Variants in CCND3 observed in about 807,000 individuals in gnomAD.
CCND3 encodes cyclin D3, also known as G1/S-specific cyclin-D3.
CCND3 carries 9 observed loss-of-function variants against 28.7 expected under a neutral mutation model. The ratio of observed to expected loss-of-function variants is 0.31; its 90% CI spans 0.19 to 0.55. The LOEUF (loss-of-function observed/expected upper bound fraction) is 0.55. Among genes scored for constraint, CCND3 ranks in the 20% least tolerant of loss-of-function variants. CCND3 has a pLI of 0.93. For synonymous variants in CCND3, 164 were observed against 163.9 expected, an observed-to-expected ratio of 1.00 and a Z score of 0.00; for missense variants, 315 against 385.8, an observed-to-expected ratio of 0.82 and a Z score of 1.54.
chr6:42,035,866 C>A (rs372954072), intron 1 of CCND3, among the ~76,000 whole-genome samples: 1 of 151,812 alleles, frequency 6.6e-6, no homozygotes, highest in Non-Finnish European at 1.5e-5. Context: ...TTAGTAGAGA[C>A]GGGGTTTCAC....
At position 41,978,533 on chromosome 6, in the gene CCND3, T is replaced by G. The variant is rs544844792; in HGVS notation, c.-45-37948A>C. Among the ~76,000 whole-genome samples, 4 of 152,108 alleles carry G rather than the reference T, an allele frequency of 2.6e-5. 1 individual carries two copies. Among genetic ancestry groups the G allele is most frequent in the African/African-American group, 9.6e-5 (4 of 41,502 alleles). ...CCTGGATGACAAAAGCGAAACTTAG[T>G]CTCAACAATAACAACAACAACAAAC... is the stretch of plus-strand genomic sequence containing the variant. On this transcript the variant is annotated intron_variant, in intron 1 of 4. Transcript: ENST00000372988.
chr6:41,999,719 C>T (rs905721305), intron 1 of CCND3, among the ~76,000 whole-genome samples: 6 of 151,942 alleles, frequency 3.9e-5, no homozygotes, highest in Non-Finnish European at 7.4e-5. Flanking sequence ...CATAGTGAGA[C>T]GTCATCTCTA....
intron 1 of CCND3, among the ~76,000 whole-genome samples, chr6:42,002,994 GT>G (rs1774562418): frequency 6.7e-6 from 1 of 149,904 alleles, no homozygotes; most frequent in African/African-American, 2.5e-5. Flanking sequence ...GAAACCCTGT[GT>G]CTACTAAAAA....
intron 1 of CCND3, among the ~76,000 whole-genome samples, chr6:41,954,352 C>CCAG (rs1418010197): frequency 6.7e-6 from 1 of 148,566 alleles, no homozygotes; most frequent in African/African-American, 2.5e-5. Context: ...GGAGTTCAGA[C>CCAG]CAGCCTGGCC....
intron 1 of CCND3, among the ~76,000 whole-genome samples, chr6:41,968,542 G>C (rs1761950153): frequency 6.6e-6 from 1 of 151,846 alleles, no homozygotes; most frequent in South Asian, 2.1e-4. Flanking sequence ...ATTACACCAT[G>C]GTACTCCAGC....
chr6:42,048,679 C>G lies in CCND3; in HGVS notation c.-224G>C, dbSNP rs1458733649. On this transcript the variant is annotated 5_prime_UTR_variant, in exon 1 of 5. Coordinates refer to the CCND3 transcript ENST00000372988. This position sits in a 1 kb window ranked among gnomAD's most constrained non-coding sequence, Gnocchi z 4.7. ...GAGCCAGTCTCCACCCCTGCAGTGG[C>G]GAAGTGTTTACAAAGTCCGCGCCGC... 1 of 517,954 alleles carries G rather than the reference C, an allele frequency of 1.9e-6. No individual in the cohort carries two copies. The highest frequency in any genetic ancestry group is 3.9e-6 in the Non-Finnish European group (1 of 259,516). The allele number at this position is 517,954 out of a possible 1,614,324, so 32.1% of individuals were successfully genotyped here. A position where few individuals can be genotyped will look rare whatever the true frequency, so the allele number is the denominator to read the frequency against.
At chr6:41,990,489 G>A (rs928281373) in intron 1 of CCND3, among the ~76,000 whole-genome samples, 7 of 151,842 alleles carry the variant, frequency 4.6e-5, no homozygotes, top group African/African-American at 2.4e-5. Flanking sequence ...AATAGGCAAA[G>A]CAATCCTGAG....
intron 1 of CCND3, among the ~76,000 whole-genome samples, chr6:41,964,413 TG>T (rs1212809269): frequency 6.6e-6 from 1 of 150,644 alleles, no homozygotes; most frequent in Non-Finnish European, 1.5e-5. Context: ...TGTGTGTGTC[TG>T]TGTGTGAATG....
chr6:41,942,973 G>A (rs931358008), upstream of CCND3, among the ~76,000 whole-genome samples: 2 of 150,468 alleles, frequency 1.3e-5, no homozygotes, highest in African/African-American at 4.9e-5. Context: ...CCACCTCCCG[G>A]GTTCAAGCAA....
chr6:41,936,914 C>T lies in CCND3; in HGVS notation c.575-219G>A, dbSNP rs1423591993. On this transcript the variant is annotated intron_variant, in intron 3 of 4. Transcript: ENST00000372991. This position sits in a 1 kb window ranked among gnomAD's most constrained non-coding sequence, Gnocchi z 4.4. Reference sequence around the variant, plus strand: ...ACCAACTGCCAGTTTCCATAGGTCCCGGGAATAGACAAGACACTCCCTAGT... The same window carrying T: ...ACCAACTGCCAGTTTCCATAGGTCCTGGGAATAGACAAGACACTCCCTAGT... 15 of 599,572 alleles carry T rather than the reference C, an allele frequency of 2.5e-5. No homozygotes were observed. Among genetic ancestry groups the T allele is most frequent in the South Asian group, 2.0e-4 (10 of 49,338 alleles). 37.1% of individuals were successfully genotyped at this position (599,572 alleles called of 1,614,324 possible). A position where few individuals can be genotyped will look rare whatever the true frequency, so the allele number is the denominator to read the frequency against.
intron 1 of CCND3, among the ~76,000 whole-genome samples, chr6:42,005,664 C>G (rs1304244693): frequency 6.6e-6 from 1 of 151,820 alleles, no homozygotes; most frequent in Non-Finnish European, 1.5e-5. Context: ...TTTTGATAAC[C>G]CTCGGCAACA....
rs777265467 is a variant in CCND3, at chr6:41,935,982, G to A, written c.837C>T (p.Ser279=). Residue 279 remains serine, a synonymous_variant, in exon 5 of 5, where the codon AGC becomes AGT. Transcript: ENST00000372991. ...TGACATCTGTAGGAGTGCTGGTCTG[G>A]CTGGGCCCTTGGCTGCTGGAGCCCC... ...APRGSSSQGP[S]QTSTPTDVTA... The A allele has an allele frequency of 6.2e-7, 1 of 1,613,174 alleles. No individual in the cohort carries two copies.
rs1055518459 is a variant in CCND3, at chr6:41,939,226, C to G, written c.414+1144G>C. On this transcript the variant is annotated intron_variant, in intron 2 of 4. Transcript: ENST00000372991. This position sits in a 1 kb window ranked among gnomAD's most constrained non-coding sequence, Gnocchi z 4.2. ...AAGAGGAATCCTGTTCCTCGACTCACAGCAGTCGGGGGCCCCAGTACCCTG... is the reference window on the plus strand; with the variant it reads ...AAGAGGAATCCTGTTCCTCGACTCAGAGCAGTCGGGGGCCCCAGTACCCTG... Among the ~76,000 whole-genome samples the G allele has an allele frequency of 6.6e-6, 1 of 152,182 alleles. No homozygotes were observed. Among genetic ancestry groups the G allele is most frequent in the Non-Finnish European group, 1.5e-5 (1 of 68,040 alleles).
chr6:42,027,733 G>GTTTT (rs112802942), intron 1 of CCND3, among the ~76,000 whole-genome samples: 1 of 149,904 alleles, frequency 6.7e-6, no homozygotes, highest in African/African-American at 2.4e-5. Flanking sequence ...CTAAGCCTCA[G>GTTTT]TTTTTTTTGT....
chr6:41,992,281 G>C (rs1762671004), intron 1 of CCND3, among the ~76,000 whole-genome samples: 2 of 151,984 alleles, frequency 1.3e-5, no homozygotes, highest in Non-Finnish European at 2.9e-5. Flanking sequence ...TCATGCCTCA[G>C]CCTCCCAAGT....
At chr6:41,992,568 C>G (rs970102905) in intron 1 of CCND3, among the ~76,000 whole-genome samples, 1 of 150,688 alleles carries the variant, frequency 6.6e-6, no homozygotes, top group Non-Finnish European at 1.5e-5. Context: ...CCTGCCTCAG[C>G]CTCCTAAGTA....
At chr6:41,979,387 A>T (rs1245254414) in intron 1 of CCND3, among the ~76,000 whole-genome samples, 1 of 151,288 alleles carries the variant, frequency 6.6e-6, no homozygotes, top group African/African-American at 2.4e-5. Flanking sequence ...ACAAAACATT[A>T]GTCTGGTGTG....
chr6:41,951,143 T>C (rs1288906038), intron 1 of CCND3, among the ~76,000 whole-genome samples: 1 of 151,784 alleles, frequency 6.6e-6, no homozygotes, highest in Non-Finnish European at 1.5e-5. Flanking sequence ...GTAGGCAGGG[T>C]GGTTTGTGTG....
chr6:41,974,416 CATT>C (rs1036679886), intron 1 of CCND3, among the ~76,000 whole-genome samples: 25 of 152,128 alleles, frequency 1.6e-4, no homozygotes, highest in African/African-American at 6.0e-4. Context: ...TCATCATCAT[CATT>C]AAGAACTGGG....
Sources: gnomAD v4.1 joint callset for allele counts (sites outside exome capture counted in the v4.1 genomes callset) on GRCh38, gnomAD v4.1.1 for gene constraint, Gnocchi (gnomAD v3.1) non-coding constraint, MANE v1.5 for transcripts, NCBI Gene and HGNC (gene_info 2026-07-23, HGNC 2026-07-21) for gene names.